Variants in EML4 observed in about 807,000 individuals in gnomAD.
The protein encoded by EML4 is EMAP like 4.
A neutral mutation model predicts 129.0 loss-of-function variants in EML4; 72 were observed. The ratio of observed to expected loss-of-function variants is 0.56; its 90% CI spans 0.46 to 0.68. The LOEUF is 0.68. Among genes scored for constraint, EML4 ranks in the 30% least tolerant of loss-of-function variants. The probability of loss-of-function intolerance (pLI) is 0.00; values close to 1 mark genes in which losing one functional copy is unlikely to be tolerated. For synonymous variants in EML4, 532 were observed against 405.0 expected, an observed-to-expected ratio of 1.31 and a Z score of -3.77; for missense variants, 1,363 against 1,190.6, an observed-to-expected ratio of 1.14 and a Z score of -2.13.
intron 6 of EML4, among the ~76,000 whole-genome samples, chr2:42,279,390 T>C (rs1316618128): frequency 6.6e-6 from 1 of 152,148 alleles, no homozygotes; most frequent in East Asian, 1.9e-4. Context: ...ATAGCGACTA[T>C]ACCATTTTGC....
At chr2:42,282,756 C>A in intron 7 of EML4, 67 bp from the exon 8 acceptor site, 1 of 1,346,010 alleles carries the variant, frequency 7.4e-7, no homozygotes, top group Non-Finnish European at 1.1e-6. Flanking sequence ...CCTTAAGTAT[C>A]CATGAAAAAT....
intron 1 of EML4, among the ~76,000 whole-genome samples, chr2:42,208,353 A>G (rs939842197): frequency 2.0e-5 from 3 of 151,612 alleles, no homozygotes; most frequent in African/African-American, 7.3e-5. Flanking sequence ...ACTAAAATTT[A>G]TATTAAAAAA....
chr2:42,169,619 G>A lies in EML4; in HGVS notation c.8G>A (p.Gly3Asp). ...CGGCGCTTTCCCCGCAAGATGGACG[G>A]TTTCGCCGGCAGTCTCGGTGAGTAC... is the stretch of plus-strand genomic sequence containing the variant. MD[G>D]FAGSLDDSIS... is the part of the protein sequence containing the mutation. Residue 3 changes from glycine (G) to aspartate (D), a missense_variant, in exon 1 of 23, where the codon GGT becomes GAT. Transcript: ENST00000318522. The A allele has an allele frequency of 1.2e-6, 2 of 1,600,922 alleles. No homozygotes were observed. Among genetic ancestry groups the A allele is most frequent in the Non-Finnish European group, 1.7e-6 (2 of 1,174,358 alleles).
Position 42,331,419 on chromosome 2 carries a change from G to A in EML4, c.*1212G>A, listed in dbSNP as rs1307881616. ...TGCATTGGAAAGGTATTTTTTTTAA[G>A]TTCTGTTGGCTAGCTATGGTTTTCA... On this transcript the variant is annotated 3_prime_UTR_variant, in exon 23 of 23. Transcript: ENST00000318522. The A allele has an allele frequency of 4.5e-6, 1 of 223,742 alleles. No homozygotes were observed. The highest frequency in any genetic ancestry group is 8.9e-6 in the Non-Finnish European group (1 of 112,012). 13.9% of individuals were successfully genotyped at this position (223,742 alleles called of 1,614,324 possible).
chr2:42,307,578 G>A (rs1220108182), intron 17 of EML4, among the ~76,000 whole-genome samples: 3 of 152,196 alleles, frequency 2.0e-5, no homozygotes, highest in African/African-American at 7.2e-5. Flanking sequence ...AAATCTTAAT[G>A]TAGCCATTCT....
intron 1 of EML4, among the ~76,000 whole-genome samples, chr2:42,229,658 A>AT (rs1292279488): frequency 6.6e-6 from 1 of 151,970 alleles, no homozygotes; most frequent in Non-Finnish European, 1.5e-5. Flanking sequence ...AGTAAAGTAG[A>AT]TTTTTTTTCT....
In EML4 at chr2:42,245,681, A is replaced by G; in HGVS notation, c.202A>G (p.Ser68Gly). 1 of 1,606,442 alleles carries G rather than the reference A, an allele frequency of 6.2e-7. No homozygotes were observed. Among genetic ancestry groups the G allele is most frequent in the Non-Finnish European group, 8.5e-7 (1 of 1,176,678 alleles). The change falls in exon 2 of 23, where the codon AGT (serine) becomes GGT (glycine). Residue 68 changes from serine (S) to glycine (G), a missense_variant. By Grantham distance (56) the Ser-to-Gly change is moderately conservative. Transcript: ENST00000318522. ...HVASVKKSVS[S>G]KGQPSPRAVI... ...GGCCTCAGTGAAAAAATCAGTCTCA[A>G]GTAAAGGTAATTGTGTTGTAAAGTT...
intron 13 of EML4, among the ~76,000 whole-genome samples, chr2:42,295,937 G>A (rs1401400124): frequency 5.3e-5 from 8 of 152,074 alleles, no homozygotes; most frequent in African/African-American, 1.9e-4. Context: ...TTTCCTCACT[G>A]CAGCCCTTCT....
intron 1 of EML4, among the ~76,000 whole-genome samples, chr2:42,235,524 C>G (rs1209346939): frequency 6.6e-6 from 1 of 152,138 alleles, no homozygotes; most frequent in Non-Finnish European, 1.5e-5. Context: ...TTCTCATGGT[C>G]TTCACTCAAC....
At chr2:42,294,696 TA>T (rs796708971) in intron 11 of EML4, among the ~76,000 whole-genome samples, 2,279 of 142,990 alleles carry the variant, frequency 0.016, 36 homozygotes, top group African/African-American at 0.045. Flanking sequence ...GACTGTGTCT[TA>T]AAAAAAAAAA....
rs181925387 is a variant in EML4 at position 42,325,174 on chromosome 2, A to G, written c.2155-293A>G. ...GTGAAATAAGGCCAGAGGGTGTGGT[A>G]TGTGTTGCAATGTCCTGTAAGATAC... On this transcript the variant is annotated intron_variant, in intron 19 of 22. Coordinates refer to ENST00000318522, the MANE Select transcript of EML4 (RefSeq NM_019063.5). 195 of 531,712 alleles carry G rather than the reference A, an allele frequency of 3.7e-4. 1 individual carries two copies. Among genetic ancestry groups the G allele is most frequent in the Non-Finnish European group, 3.4e-4 (92 of 268,256 alleles). 32.9% of individuals were successfully genotyped at this position (531,712 alleles called of 1,614,324 possible). A position where few individuals can be genotyped will look rare whatever the true frequency, so the allele number is the denominator to read the frequency against.
At chr2:42,201,907 C>T (rs1326838046) in intron 1 of EML4, among the ~76,000 whole-genome samples, 2 of 152,072 alleles carry the variant, frequency 1.3e-5, no homozygotes, top group Non-Finnish European at 1.5e-5. Flanking sequence ...CATGGTGAAA[C>T]CCCATCTCTA....
At position 42,264,701 on chromosome 2, in the gene EML4, T is replaced by C. The variant is rs1277861231; in HGVS notation, c.642-5T>C. On this transcript the variant is annotated splice_polypyrimidine_tract_variant and splice_region_variant and intron_variant, in intron 5 of 22. Coordinates refer to ENST00000318522, the MANE Select transcript of EML4 (RefSeq NM_019063.5). ...ATAAATGTGTTTCTTAAATTTCTTTTCTAGGCATAAAGATGTCATCATCAA... is the reference window on the plus strand; with the variant it reads ...ATAAATGTGTTTCTTAAATTTCTTTCCTAGGCATAAAGATGTCATCATCAA... 7 of 1,410,252 alleles carry C rather than the reference T, an allele frequency of 5.0e-6. No individual in the cohort carries two copies. The East Asian group carries it at 9.1e-5, about 18-fold the overall frequency. 87.4% of individuals were successfully genotyped at this position (1,410,252 alleles called of 1,614,324 possible). A position where few individuals can be genotyped will look rare whatever the true frequency, so the allele number is the denominator to read the frequency against.
At chr2:42,220,132 A>T (rs1673482134) in intron 1 of EML4, among the ~76,000 whole-genome samples, 1 of 152,110 alleles carries the variant, frequency 6.6e-6, no homozygotes, top group South Asian at 2.1e-4. Flanking sequence ...ACTTATCTAT[A>T]ATACGTGTAT....
intron 1 of EML4, among the ~76,000 whole-genome samples, chr2:42,213,973 T>C (rs1175323559): frequency 2.6e-5 from 4 of 152,216 alleles, no homozygotes; most frequent in African/African-American, 4.8e-5. Flanking sequence ...GTACCTATTA[T>C]GTGTGTAGTC....
intron 1 of EML4, among the ~76,000 whole-genome samples, chr2:42,209,382 A>G (rs1228378613): frequency 6.6e-6 from 1 of 152,156 alleles, no homozygotes; most frequent in Non-Finnish European, 1.5e-5. Flanking sequence ...TTCAGTTTCT[A>G]AAACAGATAT....
At chr2:42,265,937 C>G (rs962887283) in intron 6 of EML4, among the ~76,000 whole-genome samples, 3 of 152,218 alleles carry the variant, frequency 2.0e-5, no homozygotes, top group African/African-American at 7.2e-5. Flanking sequence ...GTTTTACATT[C>G]TCTTTAGATT....
chr2:42,177,935 A>G (rs1670699836), intron 1 of EML4, among the ~76,000 whole-genome samples: 1 of 152,142 alleles, frequency 6.6e-6, no homozygotes, highest in African/African-American at 2.4e-5. Context: ...TCAGTGTAAA[A>G]TTTCTGTTGG....
chr2:42,295,662 A>G (rs1667905595), intron 13 of EML4, 146 bp downstream of exon 13: 1 of 634,708 alleles, frequency 1.6e-6, no homozygotes, highest in Non-Finnish European at 2.6e-6. Context: ...CATTCTTCAT[A>G]ATCTTTTTTT....
Sources: gnomAD v4.1 joint callset for allele counts (sites outside exome capture counted in the v4.1 genomes callset) on GRCh38, gnomAD v4.1.1 for gene constraint, MANE v1.5 for transcripts, NCBI Gene and HGNC (gene_info 2026-07-23, HGNC 2026-07-21) for gene names.